PLSCR2: variants seen among roughly 807,000 people sequenced by gnomAD.
The protein encoded by PLSCR2 is phospholipid scramblase 2, also known as PL scramblase 2.
In PLSCR2, 18 loss-of-function variants were observed where a neutral mutation model predicts 25.3. The observed-to-expected ratio is 0.71, with a 90% CI of 0.49 to 1.06. The LOEUF (loss-of-function observed/expected upper bound fraction) is 1.06. PLSCR2 is among the 50% of genes least tolerant of loss of function. The pLI, the probability that PLSCR2 is intolerant of heterozygous loss-of-function variation, is 0.00. For missense variants in PLSCR2, 243 were observed against 269.5 expected, an observed-to-expected ratio of 0.90 and a Z score of 0.69; for synonymous variants, 88 against 87.3, an observed-to-expected ratio of 1.01 and a Z score of -0.04.
At position 146,465,911 on chromosome 3, in the gene PLSCR2, C is replaced by T. The variant is rs149884043; in HGVS notation, c.-292-5627G>A. Among the ~76,000 whole-genome samples the T allele has an allele frequency of 1.7e-3, 265 of 152,272 alleles. 2 individuals are homozygous for T. The highest frequency in any genetic ancestry group is 6.2e-3 in the African/African-American group (258 of 41,544). ...CATTTCATCCCTTGAATTGTGGTTT[C>T]AGTCAAAGTAAAGCAGAGCAAGCAC... On this transcript the variant is annotated intron_variant, in intron 1 of 8. Coordinates refer to the PLSCR2 transcript ENST00000336685.
chr3:146,411,492 G>C (rs1243291115), intron 2 of PLSCR2, among the ~76,000 whole-genome samples: 1 of 152,190 alleles, frequency 6.6e-6, no homozygotes, highest in Non-Finnish European at 1.5e-5. Context: ...ACTCTTCGGG[G>C]ACCTGAAAAT....
chr3:146,474,604 A>G (rs989277841), intron 1 of PLSCR2, among the ~76,000 whole-genome samples: 2 of 151,892 alleles, frequency 1.3e-5, no homozygotes, highest in Admixed American at 6.6e-5. Context: ...TCTGATGATT[A>G]TATGTCTTGG....
intron 1 of PLSCR2, among the ~76,000 whole-genome samples, chr3:146,490,094 A>G (rs2043491847): frequency 6.6e-6 from 1 of 152,086 alleles, no homozygotes; most frequent in African/African-American, 2.4e-5. Flanking sequence ...AGAATGATCC[A>G]TCTGGGTCAA....
chr3:146,489,646 C>A (rs1433561732), intron 1 of PLSCR2, among the ~76,000 whole-genome samples: 2 of 152,130 alleles, frequency 1.3e-5, no homozygotes, highest in East Asian at 1.9e-4. Context: ...GGTCCGAAGT[C>A]TTAAATGATT....
At chr3:146,459,150 A>T (rs901897995) in intron 2 of PLSCR2, among the ~76,000 whole-genome samples, 1 of 152,188 alleles carries the variant, frequency 6.6e-6, no homozygotes, top group African/African-American at 2.4e-5. Context: ...GTACAGCAAA[A>T]TCCAGGACAT....
intron 2 of PLSCR2, among the ~76,000 whole-genome samples, chr3:146,408,684 C>A (rs4681321): frequency 0.54 from 81,938 of 151,704 alleles, 22,251 homozygotes; most frequent in South Asian, 0.71. Context: ...TTCGGGGGCT[C>A]CCAGGTCAAA....
At chr3:146,398,649 T>C (rs887128506) in intron 2 of PLSCR2, 5 of 152,042 alleles carry the variant, frequency 3.3e-5, no homozygotes, top group African/African-American at 1.2e-4. Flanking sequence ...ACAACTTTAT[T>C]AATTAATTAC....
chr3:146,401,332 T>C (rs1312396779), intron 2 of PLSCR2: 6 of 152,534 alleles, frequency 3.9e-5, no homozygotes, highest in Admixed American at 3.9e-4. Flanking sequence ...GAGGCTTTTT[T>C]GATATGATGG....
At chr3:146,465,715 A>G (rs781331215) in intron 1 of PLSCR2, among the ~76,000 whole-genome samples, 5 of 152,182 alleles carry the variant, frequency 3.3e-5, no homozygotes, top group Non-Finnish European at 7.3e-5. Flanking sequence ...CTTCCTACCA[A>G]TAAGTAAGAA....
At chr3:146,484,796 A>G (rs139235608) in intron 1 of PLSCR2, among the ~76,000 whole-genome samples, 48 of 152,122 alleles carry the variant, frequency 3.2e-4, no homozygotes, top group Non-Finnish European at 1.0e-4. Flanking sequence ...AAAAGCACTA[A>G]ATATGACATG....
At chr3:146,482,274 C>A (rs777965782) in intron 1 of PLSCR2, among the ~76,000 whole-genome samples, 1 of 152,142 alleles carries the variant, frequency 6.6e-6, no homozygotes, top group Non-Finnish European at 1.5e-5. Context: ...AAACTACCAT[C>A]AGAGTGAGCA....
At chr3:146,490,544 GT>G (rs2043510692) in intron 1 of PLSCR2, among the ~76,000 whole-genome samples, 1 of 152,162 alleles carries the variant, frequency 6.6e-6, no homozygotes. Flanking sequence ...GGGTGTTCCA[GT>G]GTTGGGTTTA....
Position 146,486,580 on chromosome 3 carries a change from TA to T in PLSCR2, c.-293+9314del, listed in dbSNP as rs1316204501. On this transcript the variant is annotated intron_variant, in intron 1 of 8. Transcript: ENST00000336685. ...AACTAGAAAATATAGAAGAAATGGA[TA>T]AATTCCTGGACATATACACCATCCC... is the stretch of plus-strand genomic sequence containing the variant. Among the ~76,000 whole-genome samples, 7 of 151,840 alleles carry T rather than the reference TA, an allele frequency of 4.6e-5. 1 individual carries two copies. In the South Asian group the frequency reaches 1.5e-3, roughly 32 times the overall value.
At chr3:146,479,272 G>T (rs2043044136) in intron 1 of PLSCR2, among the ~76,000 whole-genome samples, 1 of 152,130 alleles carries the variant, frequency 6.6e-6, no homozygotes, top group Non-Finnish European at 1.5e-5. Flanking sequence ...TGGACTAAAT[G>T]CCCCAATTAA....
At chr3:146,486,700 A>T (rs546570724) in intron 1 of PLSCR2, among the ~76,000 whole-genome samples, 1 of 152,148 alleles carries the variant, frequency 6.6e-6, no homozygotes, top group Admixed American at 6.6e-5. Context: ...AAAAAAACCC[A>T]GGACAAGATA....
intron 2 of PLSCR2, among the ~76,000 whole-genome samples, chr3:146,427,691 C>G (rs369475624): frequency 2.3e-4 from 35 of 152,268 alleles, no homozygotes; most frequent in African/African-American, 7.9e-4. Context: ...TTAAAAGTCA[C>G]CACCCACAGG....
intron 2 of PLSCR2, among the ~76,000 whole-genome samples, chr3:146,415,542 A>G (rs1045883195): frequency 2.6e-5 from 4 of 152,102 alleles, no homozygotes; most frequent in African/African-American, 7.2e-5. Flanking sequence ...CCCAAATGCT[A>G]AAAGGTTTTG....
intron 6 of PLSCR2, among the ~76,000 whole-genome samples, chr3:146,445,980 T>G (rs915974060): frequency 1.3e-4 from 20 of 152,180 alleles, no homozygotes; most frequent in African/African-American, 4.8e-4. Context: ...AACTCCAGAA[T>G]TTCTGCTTGT....
chr3:146,426,777 TAAAG>T (rs1052896663), intron 2 of PLSCR2, among the ~76,000 whole-genome samples: 12 of 152,344 alleles, frequency 7.9e-5, no homozygotes, highest in African/African-American at 2.9e-4. Flanking sequence ...AGCTAGTTGC[TAAAG>T]TTGATATGAA....
Sources: gnomAD v4.1 joint callset for allele counts (sites outside exome capture counted in the v4.1 genomes callset) on GRCh38, gnomAD v4.1.1 for gene constraint, MANE v1.5 for transcripts, NCBI Gene and HGNC (gene_info 2026-07-23, HGNC 2026-07-21) for gene names.